Variants in SPATS2 observed in about 807,000 individuals in gnomAD.
The protein encoded by SPATS2 is spermatogenesis associated serine rich 2.
SPATS2 carries 38 observed loss-of-function variants against 63.7 expected under a neutral mutation model. That is an observed-to-expected ratio of 0.60 (90% CI 0.46 to 0.78). The LOEUF (loss-of-function observed/expected upper bound fraction) is 0.78, where lower values mean the gene tolerates loss of function less well. Ranked by LOEUF, SPATS2 falls within the 30% of genes least tolerant of loss-of-function variation. SPATS2 has a pLI of 0.00. For missense variants in SPATS2, 588 were observed against 666.2 expected (o/e 0.88, Z 1.29); for synonymous variants, 207 against 232.9 (o/e 0.89, Z 1.01).
intron 2 of SPATS2, among the ~76,000 whole-genome samples, chr12:49,375,731 T>C (rs1944088453): frequency 1.3e-5 from 2 of 152,222 alleles, no homozygotes; most frequent in Admixed American, 1.3e-4. Flanking sequence ...CTGTAACTAA[T>C]GTAATGACGG....
rs1946965746 is a variant in SPATS2 at position 49,522,867 on chromosome 12, A to C, written c.1111+14A>C. On this transcript the variant is annotated intron_variant, in intron 12 of 13. Transcript: ENST00000552918. ...CATTTGGACAAGGTGAGATGGTGAG[A>C]GGGTCTGGGCACTACAGGTGGTGAT... 3.1e-6 allele frequency: 5 copies of C among 1,607,208 alleles called. No individual in the cohort carries two copies. The highest frequency in any genetic ancestry group is 4.3e-6 in the Non-Finnish European group (5 of 1,174,442).
At chr12:49,454,225 C>T (rs1945678203) in intron 2 of SPATS2, 1 of 152,288 alleles carries the variant, frequency 6.6e-6, no homozygotes, top group African/African-American at 2.4e-5. Flanking sequence ...TTTGTGACAG[C>T]TGAGGTCACT....
In SPATS2 at chr12:49,380,480, C is replaced by T. The variant is rs558087593; in HGVS notation, c.-244+9190C>T. On this transcript the variant is annotated intron_variant, in intron 2 of 13. Coordinates refer to ENST00000552918, the MANE Select transcript of SPATS2 (RefSeq NM_023071.4). ...CAGCACTTTGGGAGGCCGAGGTGGG[C>T]GGATCACCTGAGGTCAGGAGTTTGA... 6.6e-4 allele frequency among the ~76,000 whole-genome samples: 101 copies of T among 152,178 alleles called. 1 individual carries two copies. Among genetic ancestry groups the T allele is most frequent in the African/African-American group, 2.4e-3 (99 of 41,520 alleles).
chr12:49,526,479 CTGGT>C lies in SPATS2; in HGVS notation c.*229_*232del. On this transcript the variant is annotated 3_prime_UTR_variant, in exon 14 of 14. Coordinates refer to ENST00000552918, the MANE Select transcript of SPATS2 (RefSeq NM_023071.4). Reference sequence around the variant, plus strand: ...TCTTTCCCAGTGATATGGATTGAATCTGGTTGGTCATTTCCACCAGGAATCAGAG... The same window carrying C: ...TCTTTCCCAGTGATATGGATTGAATCTGGTCATTTCCACCAGGAATCAGAG... 3.4e-6 allele frequency: 2 copies of C among 583,094 alleles called. No individual in the cohort carries two copies. The highest frequency in any genetic ancestry group is 5.7e-6 in the Non-Finnish European group (2 of 348,746). The allele number at this position is 583,094 out of a possible 1,614,324, so 36.1% of individuals were successfully genotyped here.
chr12:49,498,146 AT>A (rs1316837506), intron 8 of SPATS2, among the ~76,000 whole-genome samples: 1,599 of 65,368 alleles, frequency 0.024, 28 homozygotes, highest in African/African-American at 0.14. Context: ...AAAAAAAAAA[AT>A]ATATATATAT....
At chr12:49,461,279 A>T in intron 3 of SPATS2, 1 of 490,474 alleles carries the variant, frequency 2.0e-6, no homozygotes, top group East Asian at 3.7e-5. Context: ...GCATTTTTGA[A>T]TACTGAACAT....
upstream of SPATS2, chr12:49,367,299 C>G (rs1943914166): frequency 5.5e-6 from 2 of 366,798 alleles, no homozygotes; most frequent in Non-Finnish European, 4.9e-6. Context: ...CGCACGCGCC[C>G]GAGAGGGCTC....
chr12:49,512,509 C>A (rs936862111), intron 9 of SPATS2, among the ~76,000 whole-genome samples: 89 of 150,460 alleles, frequency 5.9e-4, no homozygotes, highest in Non-Finnish European at 1.2e-3. Flanking sequence ...CCGAGTTAAT[C>A]AAAAACAAAG....
intron 2 of SPATS2, among the ~76,000 whole-genome samples, chr12:49,399,292 ACT>A (rs1352074819): frequency 1.3e-5 from 2 of 152,114 alleles, no homozygotes; most frequent in African/African-American, 4.8e-5. Flanking sequence ...TCTCAGAAGC[ACT>A]TTTAGCTTTT....
chr12:49,377,307 T>C (rs981015668), intron 2 of SPATS2, among the ~76,000 whole-genome samples: 2 of 152,218 alleles, frequency 1.3e-5, no homozygotes, highest in African/African-American at 2.4e-5. Flanking sequence ...TTATATGATA[T>C]TATTGTAATT....
chr12:49,384,655 A>G (rs751286335), intron 2 of SPATS2, among the ~76,000 whole-genome samples: 5 of 152,168 alleles, frequency 3.3e-5, no homozygotes, highest in Admixed American at 6.5e-5. Context: ...TAGAACCCTA[A>G]TGTGTTGTAA....
intron 2 of SPATS2, among the ~76,000 whole-genome samples, chr12:49,403,047 G>A (rs1478454949): frequency 2.0e-5 from 3 of 152,112 alleles, no homozygotes; most frequent in Non-Finnish European, 1.5e-5. Flanking sequence ...TGGAGAAAGG[G>A]GGTGAGAGTT....
rs1208450091 is a variant in SPATS2 at position 49,500,161 on chromosome 12, C to T, written c.795C>T (p.Ala265=). ...TTGTAGTTAAAGAAGAGATGGATGC[C>T]TCCATTAAGAAAATGAAACAAGCCT... is the stretch of plus-strand genomic sequence containing the variant. ...YRVVVKEEMD[A]SIKKMKQAFA... Residue 265 remains alanine, a synonymous_variant, in exon 9 of 14, where the codon GCC becomes GCT. Transcript: ENST00000552918. 2 of 1,611,254 alleles carry T rather than the reference C, an allele frequency of 1.2e-6. No homozygotes were observed. The highest frequency in any genetic ancestry group is 1.3e-5 in the African/African-American group (1 of 74,720).
At chr12:49,522,729 C>T in intron 11 of SPATS2, 22 bp from the exon 12 acceptor site, 1 of 1,596,222 alleles carries the variant, frequency 6.3e-7, no homozygotes, top group Non-Finnish European at 8.6e-7. Context: ...AACCTGGAGG[C>T]CTTTCTTTGT....
intron 13 of SPATS2, 102 bp downstream of exon 13, chr12:49,524,998 T>G: frequency 8.7e-7 from 1 of 1,149,506 alleles, no homozygotes; most frequent in Non-Finnish European, 1.2e-6. Flanking sequence ...TCTATTCCCA[T>G]TCCATGCCTG....
chr12:49,494,631 C>A, intron 6 of SPATS2, 110 bp from the exon 7 acceptor site: 3 of 1,089,772 alleles, frequency 2.8e-6, no homozygotes, highest in East Asian at 2.7e-5. Context: ...AAAGAACATA[C>A]AAGAAATTGG....
At chr12:49,385,389 T>TGTGTGTGG (rs1247586382) in intron 2 of SPATS2, among the ~76,000 whole-genome samples, 10 of 150,626 alleles carry the variant, frequency 6.6e-5, no homozygotes, top group Admixed American at 1.3e-4. Flanking sequence ...TGTGTGTGTG[T>TGTGTGTGG]GGCAGAGACA....
chr12:49,469,195 C>G (rs1413188794), intron 3 of SPATS2, among the ~76,000 whole-genome samples: 2 of 151,676 alleles, frequency 1.3e-5, no homozygotes, highest in African/African-American at 4.8e-5. Flanking sequence ...GTCAGGACTT[C>G]GAGACCAGCC....
At chr12:49,468,624 G>C (rs954004287) in intron 3 of SPATS2, among the ~76,000 whole-genome samples, 9 of 151,764 alleles carry the variant, frequency 5.9e-5, no homozygotes, top group African/African-American at 2.2e-4. Flanking sequence ...CTACAGATAC[G>C]TGTCATCATG....
Sources: gnomAD v4.1 joint callset for allele counts (sites outside exome capture counted in the v4.1 genomes callset) on GRCh38, gnomAD v4.1.1 for gene constraint, MANE v1.5 for transcripts, NCBI Gene and HGNC (gene_info 2026-07-23, HGNC 2026-07-21) for gene names.